Variants in SYNPR observed in about 807,000 individuals in gnomAD.
The protein encoded by SYNPR is synaptoporin.
A neutral mutation model predicts 32.9 loss-of-function variants in SYNPR; 23 were observed. That is an observed-to-expected ratio of 0.70 (90% confidence interval 0.50 to 0.99). The LOEUF is 0.99. SYNPR is among the 50% of genes least tolerant of loss of function. SYNPR has a pLI of 0.00. For missense variants in SYNPR, 318 were observed against 349.3 expected (o/e 0.91, Z 0.71); for synonymous variants, 146 against 135.9 (o/e 1.07, Z -0.52).
intron 2 of SYNPR, among the ~76,000 whole-genome samples, chr3:63,254,378 G>A (rs532611814): frequency 6.6e-6 from 1 of 152,144 alleles, no homozygotes; most frequent in African/African-American, 2.4e-5. Flanking sequence ...AAAACTGTAG[G>A]TCAAGATCTA....
intron 4 of SYNPR, among the ~76,000 whole-genome samples, chr3:63,593,697 G>A (rs555366195): frequency 1.4e-4 from 21 of 152,228 alleles, no homozygotes; most frequent in Middle Eastern, 3.4e-3. Flanking sequence ...GATTCTTCAC[G>A]CATAAAACAA....
rs1341598000 is a variant in SYNPR at position 63,553,714 on chromosome 3, TTTTG to T, written c.210-2817_210-2814del. On this transcript the variant is annotated intron_variant, in intron 3 of 5. Coordinates refer to ENST00000478300, the MANE Select transcript of SYNPR (RefSeq NM_001130003.2). ...ATTTTTTTGGCCACTTCTATGTCTT[TTTTG>T]TTTGTTTGTTTTGTTTTTTTGAGAC... Among the ~76,000 whole-genome samples, 7 of 152,256 alleles carry T rather than the reference TTTTG, an allele frequency of 4.6e-5. No individual in the cohort carries two copies. The East Asian group carries it at 9.7e-4, about 21-fold the overall frequency.
At chr3:63,310,923 A>T (rs922909393) in intron 2 of SYNPR, among the ~76,000 whole-genome samples, 2 of 152,000 alleles carry the variant, frequency 1.3e-5, no homozygotes, top group Admixed American at 6.6e-5. Context: ...AATGTGGTAG[A>T]GGGGATATTA....
At chr3:63,508,539 G>A (rs1163435114) in intron 3 of SYNPR, among the ~76,000 whole-genome samples, 1 of 152,124 alleles carries the variant, frequency 6.6e-6, no homozygotes, top group Non-Finnish European at 1.5e-5. Context: ...TTGAGAAGCT[G>A]ACATTGGAGC....
intron 4 of SYNPR, among the ~76,000 whole-genome samples, chr3:63,601,484 C>T (rs6806910): frequency 0.035 from 5,334 of 152,006 alleles, 277 homozygotes; most frequent in African/African-American, 0.11. Context: ...TTTTTTGATC[C>T]TCACCTTCCT....
chr3:63,338,097 C>T (rs148528582), intron 2 of SYNPR, among the ~76,000 whole-genome samples: 167 of 152,128 alleles, frequency 1.1e-3, no homozygotes, highest in African/African-American at 3.8e-3. Context: ...TAGGAGAAAC[C>T]GTGTGTTTGG....
At chr3:63,292,025 A>T (rs1236566881) in intron 2 of SYNPR, among the ~76,000 whole-genome samples, 2 of 152,142 alleles carry the variant, frequency 1.3e-5, no homozygotes, top group African/African-American at 4.8e-5. Flanking sequence ...TAGGCTAAAA[A>T]CCTGTACAGC....
rs1365729183 is a variant in SYNPR, at chr3:63,469,349, C to T, written c.85-11483C>T. Reference sequence around the variant, plus strand: ...TTAACTACAGAACAGTAGCTGTGTGCATGAGCTCATCATGCTCTAATTTTT... The same window carrying T: ...TTAACTACAGAACAGTAGCTGTGTGTATGAGCTCATCATGCTCTAATTTTT... On this transcript the variant is annotated intron_variant, in intron 2 of 5. Coordinates refer to ENST00000478300, the MANE Select transcript of SYNPR (RefSeq NM_001130003.2). Among the ~76,000 whole-genome samples the T allele has an allele frequency of 4.6e-5, 7 of 152,104 alleles. No individual in the cohort carries two copies. In the South Asian group the frequency reaches 6.2e-4, roughly 14 times the overall value.
intron 2 of SYNPR, among the ~76,000 whole-genome samples, chr3:63,314,006 C>CATATATATATATCCAT (rs1560189114): frequency 3.2e-3 from 4 of 1,254 alleles, no homozygotes; most frequent in African/African-American, 7.2e-3. Context: ...TATATATATC[C>CATATATATATATCCAT]ATATATATAT....
chr3:63,509,380 AT>A (rs1392250872), intron 3 of SYNPR, among the ~76,000 whole-genome samples: 4 of 151,624 alleles, frequency 2.6e-5, no homozygotes, highest in Non-Finnish European at 5.9e-5. Flanking sequence ...GAATATACAT[AT>A]TCTTATAGCC....
the SYNPR span, among the ~76,000 whole-genome samples, chr3:63,211,735 T>C: frequency 6.7e-6 from 1 of 149,026 alleles, no homozygotes; most frequent in Non-Finnish European, 1.5e-5. Context: ...ATACTTTAAG[T>C]TTTAGGGTAC....
At chr3:63,435,893 T>A (rs902677992) in intron 2 of SYNPR, among the ~76,000 whole-genome samples, 19 of 152,218 alleles carry the variant, frequency 1.2e-4, no homozygotes, top group African/African-American at 4.6e-4. Context: ...TGTAACAATG[T>A]GTATTGAGAA....
At chr3:63,261,110 T>C (rs1158552725) in intron 2 of SYNPR, among the ~76,000 whole-genome samples, 1 of 152,118 alleles carries the variant, frequency 6.6e-6, no homozygotes, top group Non-Finnish European at 1.5e-5. Context: ...ACTTTTACAC[T>C]GTTGGTGGGA....
intron 2 of SYNPR, chr3:63,443,128 A>T: frequency 8.7e-7 from 1 of 1,145,186 alleles, no homozygotes; most frequent in South Asian, 2.6e-5. Context: ...GTGGGAGCTC[A>T]CCATGGTGGC....
chr3:63,552,488 A>G (rs570134884), intron 3 of SYNPR, among the ~76,000 whole-genome samples: 33 of 152,170 alleles, frequency 2.2e-4, no homozygotes, highest in Non-Finnish European at 3.8e-4. Flanking sequence ...GTTTGTTAAG[A>G]AAAAGGATTT....
At chr3:63,331,658 TA>T (rs1161597575) in intron 2 of SYNPR, among the ~76,000 whole-genome samples, 1 of 152,000 alleles carries the variant, frequency 6.6e-6, no homozygotes, top group Admixed American at 6.6e-5. Context: ...TTGAGGAACT[TA>T]AAAAAATTAT....
intron 2 of SYNPR, among the ~76,000 whole-genome samples, chr3:63,313,615 C>G (rs1158923263): frequency 7.1e-6 from 1 of 141,054 alleles, no homozygotes; most frequent in Non-Finnish European, 1.5e-5. Flanking sequence ...TGTGTATACA[C>G]ACACATATAC....
chr3:63,503,900 A>G (rs1400795779), intron 3 of SYNPR, among the ~76,000 whole-genome samples: 1 of 152,088 alleles, frequency 6.6e-6, no homozygotes, highest in Non-Finnish European at 1.5e-5. Flanking sequence ...TAATTAATTT[A>G]TATGAATAGG....
At position 63,616,764 on chromosome 3, in the gene SYNPR, T is replaced by C. The variant is rs1344658652; in HGVS notation, c.*1283T>C. On this transcript the variant is annotated 3_prime_UTR_variant, in exon 6 of 6. Coordinates refer to ENST00000478300, the MANE Select transcript of SYNPR (RefSeq NM_001130003.2). ...ATCTGTATTTCCAGATAAAAGTTGTTATTGATGTATAAACTCGTTGCGTGA... is the reference window on the plus strand; with the variant it reads ...ATCTGTATTTCCAGATAAAAGTTGTCATTGATGTATAAACTCGTTGCGTGA... 1 of 152,632 alleles carries C rather than the reference T, an allele frequency of 6.6e-6. No individual in the cohort carries two copies. The highest frequency in any genetic ancestry group is 6.5e-5 in the Admixed American group (1 of 15,282). 9.5% of individuals were successfully genotyped at this position (152,632 alleles called of 1,614,324 possible).
Sources: allele counts gnomAD v4.1 joint callset (sites outside exome capture counted in the v4.1 genomes callset), GRCh38; gene constraint gnomAD v4.1.1; transcripts MANE v1.5; gene names NCBI Gene and HGNC (gene_info 2026-07-23, HGNC 2026-07-21).